The following ARHGEF9 variants were observed in gnomAD, a reference collection of about 807,000 sequenced individuals.
The protein encoded by ARHGEF9 is rho guanine nucleotide exchange factor 9.
ARHGEF9 carries 2 observed loss-of-function variants against 41.3 expected under a neutral mutation model. That is an observed-to-expected ratio of 0.05 (90% confidence interval 0.02 to 0.15). The LOEUF (loss-of-function observed/expected upper bound fraction) is 0.15, where lower values mean the gene tolerates loss of function less well. Ranked by LOEUF, ARHGEF9 falls within the 10% of genes least tolerant of loss-of-function variation. ARHGEF9 has a pLI of 1.00. For missense variants in ARHGEF9, 225 were observed against 424.7 expected (o/e 0.53, Z 4.13); for synonymous variants, 160 against 154.4 (o/e 1.04, Z -0.27).
chrX:63,723,910 C>A (rs1477650766), intron 2 of ARHGEF9, among the ~76,000 whole-genome samples: 1 of 112,327 alleles, frequency 8.9e-6, no homozygotes, highest in Non-Finnish European at 1.9e-5. Flanking sequence ...ATGCCACTTG[C>A]TTCCCACCCC....
chrX:63,705,200 A>G (rs1294032506), intron 3 of ARHGEF9, among the ~76,000 whole-genome samples: 2 of 111,596 alleles, frequency 1.8e-5, no homozygotes, highest in South Asian at 3.8e-4. Context: ...ATGTAGAGAA[A>G]TAAGAACTTT....
At chrX:63,736,272 A>G (rs187224538) in intron 1 of ARHGEF9, among the ~76,000 whole-genome samples, 10 of 112,166 alleles carry the variant, frequency 8.9e-5, no homozygotes, top group Non-Finnish European at 1.7e-4. Flanking sequence ...TGTGCTTGTA[A>G]CAAAACAATG....
intron 3 of ARHGEF9, 104 bp downstream of exon 3, chrX:63,706,154 G>T: frequency 1.1e-6 from 1 of 891,546 alleles, no homozygotes; most frequent in Non-Finnish European, 1.6e-6. Flanking sequence ...ACAGAATCTG[G>T]GAGGCTATGT....
intron 1 of ARHGEF9, among the ~76,000 whole-genome samples, chrX:63,757,074 A>T (rs2055946756): frequency 1.8e-5 from 2 of 111,993 alleles, no homozygotes; most frequent in South Asian, 7.5e-4. Context: ...CATGACCTGT[A>T]TGTTTATGCT....
chrX:63,722,626 C>T (rs1556414429), intron 2 of ARHGEF9: 2 of 110,973 alleles, frequency 1.8e-5, no homozygotes, highest in African/African-American at 6.6e-5. Flanking sequence ...TCATTTCCCC[C>T]CATCCTTGGA....
chrX:63,744,440 G>C (rs1175572353), intron 1 of ARHGEF9, among the ~76,000 whole-genome samples: 1 of 112,342 alleles, frequency 8.9e-6, no homozygotes, highest in Non-Finnish European at 1.9e-5. Flanking sequence ...ACAATGAGGA[G>C]ATTAGAATCA....
At chrX:63,775,713 C>G (rs1462341865) in intron 1 of ARHGEF9, among the ~76,000 whole-genome samples, 1 of 111,415 alleles carries the variant, frequency 9.0e-6, no homozygotes, top group East Asian at 2.8e-4. Flanking sequence ...TGAAAAAATA[C>G]CTATTGAGTA....
chrX:63,772,375 C>A (rs1205313368), intron 1 of ARHGEF9, among the ~76,000 whole-genome samples: 1 of 111,889 alleles, frequency 8.9e-6, no homozygotes, highest in African/African-American at 3.3e-5. Context: ...ACAGGGCCTG[C>A]AAAAGTCCTT....
At chrX:63,754,203 C>T in intron 1 of ARHGEF9, 10 of 953,667 alleles carry the variant, frequency 1.0e-5, no homozygotes, top group Non-Finnish European at 1.5e-5. Context: ...AAATAGAAAG[C>T]ATTTCTTCAT....
intron 1 of ARHGEF9, among the ~76,000 whole-genome samples, chrX:63,759,324 T>G (rs1378320901): frequency 1.8e-5 from 2 of 110,615 alleles, no homozygotes; most frequent in Non-Finnish European, 3.8e-5. Context: ...CGAGATCTAT[T>G]CCTTCTTGCT....
chrX:63,710,091 A>G (rs1556405759), intron 2 of ARHGEF9, among the ~76,000 whole-genome samples: 1 of 110,440 alleles, frequency 9.1e-6, no homozygotes, highest in Non-Finnish European at 1.9e-5. Flanking sequence ...TATTACTACC[A>G]GTCTTACAGA....
intron 1 of ARHGEF9, among the ~76,000 whole-genome samples, chrX:63,784,542 G>A (rs782202865): frequency 2.7e-5 from 3 of 112,282 alleles, no homozygotes; most frequent in South Asian, 7.4e-4. Context: ...ACCCCAGCCC[G>A]GACAAGGAAG....
chrX:63,680,403 C>T (rs1169108227), intron 4 of ARHGEF9, among the ~76,000 whole-genome samples: 2 of 112,305 alleles, frequency 1.8e-5, no homozygotes, highest in Non-Finnish European at 3.8e-5. Context: ...TTGTGTCCTA[C>T]ATACAGGGAG....
chrX:63,755,105 T>C (rs1282477543), intron 1 of ARHGEF9: 2 of 937,285 alleles, frequency 2.1e-6, no homozygotes, highest in Non-Finnish European at 2.6e-6. Context: ...GCTGGCCCTA[T>C]CCCTCTTCTC....
intron 4 of ARHGEF9, among the ~76,000 whole-genome samples, chrX:63,679,350 A>T (rs1390647951): frequency 9.0e-6 from 1 of 111,616 alleles, no homozygotes; most frequent in African/African-American, 3.3e-5. Context: ...GTAAAGTTTT[A>T]AAAAAACTCT....
chrX:63,684,654 A>AATGG (rs2050867068), intron 4 of ARHGEF9, among the ~76,000 whole-genome samples: 1 of 111,009 alleles, frequency 9.0e-6, no homozygotes, highest in Non-Finnish European at 1.9e-5. Context: ...TAAATGGGTA[A>AATGG]AGAAACTGTC....
In ARHGEF9 at chrX:63,674,161, G is replaced by A. The variant is rs782130531; in HGVS notation, c.822C>T (p.Tyr274=). Residue 274 remains tyrosine (Y), a synonymous_variant, in exon 6 of 10, where the codon TAC becomes TAT. Transcript: ENST00000671741. ...LKYTAQDHSD[Y]RYVAAALAVM... ...CAGCCAAAGCAGCTGCCACATACCT[G>A]TAGTCACTGTGAAAACAAAAGAGTG... 3 of 1,210,325 alleles carry A rather than the reference G, an allele frequency of 2.5e-6. No homozygotes were observed. The highest frequency in any genetic ancestry group is 3.4e-6 in the Non-Finnish European group (3 of 894,823).
intron 2 of ARHGEF9, among the ~76,000 whole-genome samples, chrX:63,724,067 A>G (rs1264315793): frequency 9.8e-5 from 11 of 112,406 alleles, no homozygotes; most frequent in African/African-American, 3.2e-4. Flanking sequence ...GTGAGAGGCA[A>G]AGAAGTAGAC....
intron 2 of ARHGEF9, among the ~76,000 whole-genome samples, chrX:63,722,511 G>T (rs1413718354): frequency 9.2e-6 from 1 of 108,451 alleles, no homozygotes; most frequent in Non-Finnish European, 1.9e-5. Context: ...GTTCCTGTAG[G>T]AACACTCCTC....
Sources: allele counts gnomAD v4.1 joint callset (sites outside exome capture counted in the v4.1 genomes callset), GRCh38; gene constraint gnomAD v4.1.1; transcripts MANE v1.5; gene names NCBI Gene and HGNC (gene_info 2026-07-23, HGNC 2026-07-21).